Variants in LOC112694756 observed in about 807,000 individuals in gnomAD.
the LOC112694756 span, chr16:30,067,616 C>T: frequency 1.4e-5 from 22 of 1,614,044 alleles, no homozygotes; most frequent in South Asian, 1.9e-4. Flanking sequence ...ATGGGCGTCC[C>T]TTCCCCCAAG....
At chr16:30,065,065 C>G in the LOC112694756 span, among the ~76,000 whole-genome samples, 8 of 152,370 alleles carry the variant, frequency 5.3e-5, no homozygotes, top group Admixed American at 4.6e-4. Context: ...GACTACCAGC[C>G]TGGCTGCGGC....
chr16:30,070,312 C>A, the LOC112694756 span: 1 of 1,159,760 alleles, frequency 8.6e-7, no homozygotes, highest in Non-Finnish European at 1.3e-6. Context: ...GGCTTGCCCG[C>A]GCTCTTTCTT....
At chr16:30,054,767 C>G in the LOC112694756 span, 1 of 399,348 alleles carries the variant, frequency 2.5e-6, no homozygotes. Context: ...TCACCCCTTC[C>G]TCCTGTACTC....
At chr16:30,060,535 A>G in the LOC112694756 span, among the ~76,000 whole-genome samples, 4 of 152,154 alleles carry the variant, frequency 2.6e-5, no homozygotes, top group Non-Finnish European at 5.9e-5. Flanking sequence ...CAGAAGCCAC[A>G]TGGCTGCTTG....
At chr16:30,058,812 G>A in the LOC112694756 span, 3 of 389,502 alleles carry the variant, frequency 7.7e-6, no homozygotes, top group Non-Finnish European at 1.4e-5. Flanking sequence ...CATGTTGCAA[G>A]GTTCTCATTC....
At chr16:30,069,529 GACCACCACATCT>G in the LOC112694756 span, 1 of 1,614,084 alleles carries the variant, frequency 6.2e-7, no homozygotes, top group Non-Finnish European at 8.5e-7. Flanking sequence ...GGCTCTGAGT[GACCACCACATCT>G]ACCTGGAAGG....
At chr16:30,065,572 G>A in the LOC112694756 span, 1 of 152,326 alleles carries the variant, frequency 6.6e-6, no homozygotes, top group Admixed American at 6.5e-5. Flanking sequence ...CACGTCCGAG[G>A]GGGGTGGGGA....
chr16:30,068,294 G>C, the LOC112694756 span: 1 of 357,080 alleles, frequency 2.8e-6, no homozygotes, highest in Non-Finnish European at 5.5e-6. Context: ...TCGATCTCCT[G>C]ATCTCGTGAT....
chr16:30,065,208 C>T, the LOC112694756 span, among the ~76,000 whole-genome samples: 5 of 152,230 alleles, frequency 3.3e-5, no homozygotes, highest in Non-Finnish European at 1.5e-5. Context: ...CCTCTCGATG[C>T]CCTTTCCTCC....
At chr16:30,060,575 T>C in the LOC112694756 span, among the ~76,000 whole-genome samples, 2 of 152,168 alleles carry the variant, frequency 1.3e-5, no homozygotes, top group Non-Finnish European at 2.9e-5. Flanking sequence ...TAGCCAGTTA[T>C]TAATGACAAG....
chr16:30,069,610 C>T, the LOC112694756 span: 463 of 1,613,966 alleles, frequency 2.9e-4, no homozygotes, highest in Middle Eastern at 4.9e-4. Flanking sequence ...GAAGTTTTCT[C>T]ATGAGGAGAT....
the LOC112694756 span, chr16:30,067,516 G>T: frequency 6.0e-5 from 97 of 1,613,428 alleles, no homozygotes; most frequent in Non-Finnish European, 2.5e-6. Context: ...CGCTTCTACC[G>T]CCAGCTGCTG....
chr16:30,066,783 G>T, the LOC112694756 span: 1 of 1,346,196 alleles, frequency 7.4e-7, no homozygotes, highest in South Asian at 1.5e-5. Flanking sequence ...TTGAAGCACA[G>T]ACCTTTCCCA....
At chr16:30,068,453 A>T in the LOC112694756 span, 1 of 678,578 alleles carries the variant, frequency 1.5e-6, no homozygotes, top group Non-Finnish European at 2.7e-6. Context: ...GTGGGGGAAG[A>T]CTGGGGCTAA....
At chr16:30,063,718 T>C in the LOC112694756 span, 1 of 399,190 alleles carries the variant, frequency 2.5e-6, no homozygotes, top group Non-Finnish European at 4.4e-6. Flanking sequence ...ACCCTCTCTC[T>C]CCTCCCTCAG....
At chr16:30,068,286 G>C in the LOC112694756 span, 1 of 351,764 alleles carries the variant, frequency 2.8e-6, no homozygotes, top group Non-Finnish European at 5.6e-6. Flanking sequence ...GGATGGTCTC[G>C]ATCTCCTGAT....
At chr16:30,066,697 T>C in the LOC112694756 span, among the ~76,000 whole-genome samples, 5 of 152,146 alleles carry the variant, frequency 3.3e-5, no homozygotes, top group Non-Finnish European at 7.3e-5. Context: ...CTTGAGGGGA[T>C]TGGAAGGAAC....
At chr16:30,066,863 T>C in the LOC112694756 span, 2 of 1,545,066 alleles carry the variant, frequency 1.3e-6, no homozygotes, top group East Asian at 4.9e-5. Context: ...TCTAAAATAC[T>C]CCGGTTCGGT....
At chr16:30,063,731 C>G in the LOC112694756 span, 2 of 399,388 alleles carry the variant, frequency 5.0e-6, no homozygotes, top group African/African-American at 4.1e-5. Flanking sequence ...TCCCTCAGGA[C>G]TGGGCACCTC....
Sources: gnomAD v4.1 joint callset for allele counts (sites outside exome capture counted in the v4.1 genomes callset) on GRCh38, gnomAD v4.1.1 for gene constraint, MANE v1.5 for transcripts.